SAMD12: variants seen among roughly 807,000 people sequenced by gnomAD.
The protein encoded by SAMD12 is sterile alpha motif domain containing 12, also known as sterile alpha motif domain-containing protein 12.
SAMD12 carries 9 observed loss-of-function variants against 15.0 expected under a neutral mutation model. The ratio of observed to expected loss-of-function variants is 0.60; its 90% confidence interval spans 0.36 to 1.05. The LOEUF is 1.05. SAMD12 is among the 50% of genes least tolerant of loss of function. The pLI is 0.01. For synonymous variants in SAMD12, 86 were observed against 90.1 expected (o/e 0.96, Z 0.25); for missense variants, 230 against 234.2 (o/e 0.98, Z 0.12).
At chr8:118,476,311 G>A (rs1171200433) in intron 2 of SAMD12, among the ~76,000 whole-genome samples, 1 of 152,178 alleles carries the variant, frequency 6.6e-6, no homozygotes, top group Non-Finnish European at 1.5e-5. Context: ...ATGCAAATAA[G>A]AGAAGATTCT....
intron 1 of SAMD12, among the ~76,000 whole-genome samples, chr8:118,584,869 C>T (rs1827393397): frequency 6.6e-6 from 1 of 151,118 alleles, no homozygotes; most frequent in African/African-American, 2.4e-5. Flanking sequence ...GGTGGTTCCT[C>T]AAAAAATTAA....
At chr8:118,132,972 GTATATATATATATATATATATATATATA>G in the SAMD12 span, among the ~76,000 whole-genome samples, 583 of 48,268 alleles carry the variant, frequency 0.012, 28 homozygotes, top group African/African-American at 0.025. Context: ...GTGTGTGTGT[GTATATATATATATATATATATATATATA>G]TATATATATA....
intron 2 of SAMD12, among the ~76,000 whole-genome samples, chr8:118,495,734 A>G (rs1824592334): frequency 6.6e-6 from 1 of 152,176 alleles, no homozygotes; most frequent in Non-Finnish European, 1.5e-5. Flanking sequence ...TTTAGTAAGG[A>G]TTAAATGAGA....
At chr8:118,539,587 C>A (rs1161389769) in intron 2 of SAMD12, among the ~76,000 whole-genome samples, 3 of 152,076 alleles carry the variant, frequency 2.0e-5, no homozygotes, top group Non-Finnish European at 2.9e-5. Context: ...GCTGCCCATA[C>A]CCCCACCCCA....
intron 1 of SAMD12, among the ~76,000 whole-genome samples, chr8:118,586,230 G>C (rs1827435862): frequency 6.6e-6 from 1 of 152,010 alleles, no homozygotes; most frequent in African/African-American, 2.4e-5. Context: ...TATTTGCATA[G>C]ATAACTGCTT....
At chr8:118,186,466 T>C (rs762603494), downstream of SAMD12, among the ~76,000 whole-genome samples, 7 of 151,874 alleles carry the variant, frequency 4.6e-5, no homozygotes, top group Non-Finnish European at 7.4e-5. Context: ...TGTTAAAACA[T>C]GAAAAGATTT....
chr8:118,259,274 T>C (rs1242273998), intron 4 of SAMD12, among the ~76,000 whole-genome samples: 1 of 152,144 alleles, frequency 6.6e-6, no homozygotes, highest in African/African-American at 2.4e-5. Context: ...TCTAGAAAGA[T>C]TTCCATAGAA....
At chr8:118,594,339 C>T (rs576812823) in intron 1 of SAMD12, among the ~76,000 whole-genome samples, 4 of 151,674 alleles carry the variant, frequency 2.6e-5, no homozygotes, top group Non-Finnish European at 5.9e-5. Context: ...GGTGTTAACC[C>T]CATTTTATGA....
intron 2 of SAMD12, among the ~76,000 whole-genome samples, chr8:118,496,655 GC>G (rs1824622016): frequency 2.0e-5 from 3 of 152,124 alleles, no homozygotes; most frequent in Middle Eastern, 6.8e-3. Context: ...CTGGACATAG[GC>G]CTTGGCAAAG....
chr8:118,516,114 G>C (rs536185584), intron 2 of SAMD12, among the ~76,000 whole-genome samples: 28 of 152,314 alleles, frequency 1.8e-4, no homozygotes, highest in Admixed American at 1.8e-3. Context: ...AGGGAGCCCT[G>C]CAGAAAATCT....
chr8:118,569,881 G>A (rs1826960018), intron 2 of SAMD12, among the ~76,000 whole-genome samples: 2 of 152,198 alleles, frequency 1.3e-5, no homozygotes, highest in African/African-American at 4.8e-5. Flanking sequence ...ATATCTAAGG[G>A]TATGTGTGAA....
intron 3 of SAMD12, among the ~76,000 whole-genome samples, chr8:118,437,925 G>T (rs984319759): frequency 4.6e-5 from 7 of 152,062 alleles, no homozygotes; most frequent in African/African-American, 7.2e-5. Context: ...CCTAATAAAA[G>T]ATAACACTGC....
At chr8:118,285,215 T>C (rs1347942763) in intron 4 of SAMD12, among the ~76,000 whole-genome samples, 1 of 152,076 alleles carries the variant, frequency 6.6e-6, no homozygotes, top group Non-Finnish European at 1.5e-5. Flanking sequence ...CTGGGTTGGA[T>C]TTCCTAACTC....
At position 118,532,209 on chromosome 8, in the gene SAMD12, C is replaced by T. The variant is rs185534217; in HGVS notation, c.192+48506G>A. ...ATTGAAATAATCATGTGGTTTTTGC[C>T]TTTGGTTCTGTTTAAATGATGGATT... is the stretch of plus-strand genomic sequence containing the variant. On this transcript the variant is annotated intron_variant, in intron 2 of 3. Transcript: ENST00000314727. Among the ~76,000 whole-genome samples the T allele has an allele frequency of 5.2e-3, 796 of 152,114 alleles. 11 individuals carry two copies. Among genetic ancestry groups the T allele is most frequent in the African/African-American group, 0.018 (762 of 41,492 alleles).
intron 1 of SAMD12, among the ~76,000 whole-genome samples, chr8:118,596,142 GT>G (rs1245630647): frequency 3.9e-5 from 6 of 152,302 alleles, no homozygotes; most frequent in Admixed American, 2.6e-4. Context: ...CACACACTTT[GT>G]TTACACAGCA....
intron 4 of SAMD12, among the ~76,000 whole-genome samples, chr8:118,274,048 T>A (rs368511318): frequency 6.6e-6 from 1 of 152,324 alleles, no homozygotes; most frequent in African/African-American, 2.4e-5. Context: ...CAGGCTGATA[T>A]CATTTTGTTT....
At chr8:118,501,604 T>G (rs1198011414) in intron 2 of SAMD12, among the ~76,000 whole-genome samples, 1 of 152,196 alleles carries the variant, frequency 6.6e-6, no homozygotes, top group Non-Finnish European at 1.5e-5. Context: ...TGTGACCACA[T>G]ATGATGATGG....
At chr8:118,520,440 T>G (rs2131089634) in intron 2 of SAMD12, among the ~76,000 whole-genome samples, 1 of 152,334 alleles carries the variant, frequency 6.6e-6, no homozygotes, top group Middle Eastern at 3.4e-3. Flanking sequence ...CTCAGAAGTC[T>G]ATTTTTCTCC....
At chr8:118,305,133 T>C (rs932557843) in intron 4 of SAMD12, among the ~76,000 whole-genome samples, 5 of 92,958 alleles carry the variant, frequency 5.4e-5, no homozygotes, top group Non-Finnish European at 9.7e-5. Flanking sequence ...TGGGCAAAAG[T>C]GACTCCCTGT....
Sources: allele counts gnomAD v4.1 joint callset (sites outside exome capture counted in the v4.1 genomes callset), GRCh38; gene constraint gnomAD v4.1.1; transcripts MANE v1.5; gene names NCBI Gene and HGNC (gene_info 2026-07-23, HGNC 2026-07-21).